The following TNRC18 variants were observed in gnomAD, a reference collection of about 807,000 sequenced individuals.
TNRC18 encodes the protein trinucleotide repeat-containing gene 18 protein.
In TNRC18, 69 loss-of-function variants were observed where a neutral mutation model predicts 226.7. The observed-to-expected ratio is 0.30, with a 90% CI of 0.25 to 0.37. The LOEUF is 0.37. Among genes scored for constraint, TNRC18 ranks in the 10% least tolerant of loss-of-function variants. The pLI, the probability that TNRC18 is intolerant of heterozygous loss-of-function variation, is 1.00. For missense variants in TNRC18, 4,754 were observed against 4,256.6 expected (o/e 1.12, Z -3.25); for synonymous variants, 2,449 against 1,927.6 (o/e 1.27, Z -7.09).
At chr7:5,361,334 T>G (rs1372516237) in intron 14 of TNRC18, among the ~76,000 whole-genome samples, 1 of 152,104 alleles carries the variant, frequency 6.6e-6, no homozygotes, top group Non-Finnish European at 1.5e-5. Context: ...GAGGCAGGCG[T>G]GGCAGGAAGA....
intron 16 of TNRC18, among the ~76,000 whole-genome samples, chr7:5,355,528 G>A (rs1792271303): frequency 6.6e-6 from 1 of 152,224 alleles, no homozygotes; most frequent in Admixed American, 6.5e-5. Flanking sequence ...AAAGTGGGAT[G>A]CTTGCTTAAG....
rs901230393 is a variant in TNRC18, at chr7:5,307,507, T to G, written c.*599A>C. 3 of 447,754 alleles carry G rather than the reference T, an allele frequency of 6.7e-6. No homozygotes were observed. The highest frequency in any genetic ancestry group is 3.2e-5 in the South Asian group (2 of 63,022). 27.7% of individuals were successfully genotyped at this position (447,754 alleles called of 1,614,324 possible). On this transcript the variant is annotated 3_prime_UTR_variant, in exon 30 of 30. Transcript: ENST00000430969. ...GCCGGGCCCTCTCCACCTGGTGCCT[T>G]TGACAGACACTCCGGGCTGCAACCC... is the stretch of plus-strand genomic sequence containing the variant.
intron 14 of TNRC18, among the ~76,000 whole-genome samples, chr7:5,361,075 C>G (rs1009573623): frequency 1.3e-5 from 2 of 152,220 alleles, no homozygotes; most frequent in Admixed American, 1.3e-4. Context: ...CTCATTCCAG[C>G]TGGCGTTCAG....
intron 2 of TNRC18, among the ~76,000 whole-genome samples, chr7:5,400,374 C>T (rs1292810724): frequency 2.6e-5 from 4 of 151,966 alleles, no homozygotes; most frequent in Non-Finnish European, 5.9e-5. Flanking sequence ...CTTTGGGAGG[C>T]AGAGGCGGGC....
rs567387955 is a variant in TNRC18 at position 5,381,897 on chromosome 7, C to G, written c.2153-3873G>C. 4.6e-5 allele frequency among the ~76,000 whole-genome samples: 7 copies of G among 152,058 alleles called. No individual in the cohort carries two copies. In the South Asian group the frequency reaches 1.5e-3, roughly 32 times the overall value. ...AGGAGAATCACTTGAACCCGGGAGG[C>G]GGAGGTTGCAGTGAGCCAAGATCAC... On this transcript the variant is annotated intron_variant, in intron 5 of 29. Coordinates refer to ENST00000430969, the MANE Select transcript of TNRC18 (RefSeq NM_001080495.3).
chr7:5,353,133 C>G (rs566125420), intron 16 of TNRC18, among the ~76,000 whole-genome samples: 9 of 152,188 alleles, frequency 5.9e-5, no homozygotes, highest in Non-Finnish European at 2.9e-5. Context: ...CCCTGCCCAT[C>G]GAACCAGTCA....
Position 5,388,419 on chromosome 7 carries a change from C to T in TNRC18, c.1405G>A (p.Glu469Lys), listed in dbSNP as rs2128193773. Residue 469 changes from glutamate to lysine, a missense_variant, in exon 5 of 30, where the codon GAG becomes AAG. Transcript: ENST00000430969. ...CGCTCGCAGGGCCTCGGGTCCGCCT[C>T]GGGCTTGAGCAGCTCCTTGGCAGGC... ...YVPAKELLKP[E>K]ADPRPCERAP... The T allele has an allele frequency of 1.3e-6, 2 of 1,482,440 alleles. No individual in the cohort carries two copies. Among genetic ancestry groups the T allele is most frequent in the Non-Finnish European group, 1.8e-6 (2 of 1,127,360 alleles). The allele number at this position is 1,482,440 out of a possible 1,614,324, so 91.8% of individuals were successfully genotyped here.
Position 5,370,742 on chromosome 7 carries a change from C to T in TNRC18, c.3852G>A (p.Pro1284=), listed in dbSNP as rs761596882. ...VPEEGLAQVA[P]SESQPTLEMS... ...TTTCTAGGGTGGGCTGGGACTCGCT[C>T]GGTGCCACCTGCGCCAGGCCTTCCT... The change falls in exon 11 of 30, where the codon CCG becomes CCA. Residue 1284 remains proline (P), a synonymous_variant. Coordinates refer to ENST00000430969, the MANE Select transcript of TNRC18 (RefSeq NM_001080495.3). The T allele has an allele frequency of 4.2e-5, 68 of 1,604,884 alleles. No individual in the cohort carries two copies. The highest frequency in any genetic ancestry group is 5.6e-5 in the Non-Finnish European group (66 of 1,176,514).
In TNRC18 at chr7:5,382,059, G is replaced by A. The variant is rs192502561; in HGVS notation, c.2153-4035C>T. Among the ~76,000 whole-genome samples, 26 of 152,164 alleles carry A rather than the reference G, an allele frequency of 1.7e-4. No homozygotes were observed. In the East Asian group the frequency reaches 5.0e-3, roughly 29 times the overall value. ...GTCCCTGTGCCCAGCAGGGCCCCAG[G>A]CCACTTTGCAAACATGAACTCATTC... On this transcript the variant is annotated intron_variant, in intron 5 of 29. Coordinates refer to ENST00000430969, the MANE Select transcript of TNRC18 (RefSeq NM_001080495.3).
intron 2 of TNRC18, among the ~76,000 whole-genome samples, chr7:5,406,452 ACT>A (rs1283744499): frequency 1.3e-5 from 2 of 151,684 alleles, no homozygotes; most frequent in Admixed American, 6.6e-5. Flanking sequence ...ATAGAGCGAG[ACT>A]CTGTCTCAAA....
rs202053648 is a variant in TNRC18, at chr7:5,366,318, C to CTTTTTTTTTTT, written c.4220-3504_4220-3494dup. ...AATGCTTGTTTTGCTCTTCTTATAT[C>CTTTTTTTTTTT]TTTTTTTTTTTTTTTTTTTTTTTTT... On this transcript the variant is annotated intron_variant, in intron 11 of 29. Transcript: ENST00000430969. 1.7e-3 allele frequency among the ~76,000 whole-genome samples: 120 copies of CTTTTTTTTTTT among 70,484 alleles called. 10 individuals are homozygous for CTTTTTTTTTTT. Among genetic ancestry groups the CTTTTTTTTTTT allele is most frequent in the African/African-American group, 3.0e-3 (48 of 15,854 alleles). 46.2% of individuals were successfully genotyped at this position (70,484 alleles called of 152,430 possible).
chr7:5,393,624 A>G lies in TNRC18; in HGVS notation c.343+816T>C, dbSNP rs113627003. 5.6e-3 allele frequency among the ~76,000 whole-genome samples: 850 copies of G among 152,158 alleles called. 8 individuals are homozygous for G. Among genetic ancestry groups the G allele is most frequent in the Non-Finnish European group, 9.6e-3 (654 of 67,994 alleles). On this transcript the variant is annotated intron_variant, in intron 3 of 29. Coordinates refer to ENST00000430969, the MANE Select transcript of TNRC18 (RefSeq NM_001080495.3). The stretch of plus-strand genomic sequence containing the variant: ...AGGACACCTGGGAGGAGGAAGGAGG[A>G]AGGAGGGAGGAGGGAGAAGGAAGTA...
intron 16 of TNRC18, among the ~76,000 whole-genome samples, chr7:5,352,961 C>T (rs1460050455): frequency 6.6e-6 from 1 of 152,248 alleles, no homozygotes; most frequent in Admixed American, 6.5e-5. Context: ...GCAGCACCTG[C>T]CACCTCCGAG....
Position 5,320,543 on chromosome 7 carries a change from G to T in TNRC18, c.6625C>A (p.Leu2209Met). ...CCCTCCCCCCTCACCGCCTCCTGCA[G>T]CAACTGCTCCAGACAGTAGATGTGG... is the stretch of plus-strand genomic sequence containing the variant. ...RPHIYCLEQLLQEAIIDVRPA... is the reference protein window; with the variant it reads ...RPHIYCLEQLMQEAIIDVRPA... Residue 2209 changes from leucine to methionine, a missense_variant, in exon 23 of 30, where the codon CTG (leucine) becomes ATG (methionine). Leu to Met is a conservative substitution (Grantham distance 15, BLOSUM62 2). Transcript: ENST00000430969. 6.2e-7 allele frequency: 1 copy of T among 1,610,762 alleles called. No homozygotes were observed. The highest frequency in any genetic ancestry group is 8.5e-7 in the Non-Finnish European group (1 of 1,179,236).
chr7:5,369,272 C>T (rs1306831236), intron 11 of TNRC18, among the ~76,000 whole-genome samples: 1 of 152,000 alleles, frequency 6.6e-6, no homozygotes, highest in East Asian at 1.9e-4. Context: ...CACTTGAACC[C>T]GGGAGGGCGG....
rs994195354 is a variant in TNRC18, at chr7:5,325,128, C to G, written c.6268G>C (p.Ala2090Pro). 1 of 1,550,630 alleles carries G rather than the reference C, an allele frequency of 6.4e-7. No individual in the cohort carries two copies. The highest frequency in any genetic ancestry group is 8.7e-7 in the Non-Finnish European group (1 of 1,147,322). Residue 2090 changes from alanine (A) to proline (P), a missense_variant, in exon 20 of 30, where the codon GCC (alanine) becomes CCC (proline). Physicochemically the swap from Ala to Pro is conservative, Grantham distance 27. Coordinates refer to ENST00000430969, the MANE Select transcript of TNRC18 (RefSeq NM_001080495.3). Reference protein sequence around the residue: ...SSLTAAKRSKAKAKGKEVKKE... With the variant: ...SSLTAAKRSKPKAKGKEVKKE... ...TTCACCTCCTTCCCTTTGGCCTTGG[C>G]TTTGCTCCTTTTGGCAGCGGTCAGG...
chr7:5,316,065 C>T lies in TNRC18; in HGVS notation c.6753G>A (p.Leu2251=). ...LYPGTVVRGL[L]DLEDDGDLIT... The stretch of plus-strand genomic sequence containing the variant: ...TCAAGTCCCCATCGTCCTCCAGGTC[C>T]AGTAACCCTGTGGGAAGAGGGGAGG... Residue 2251 remains leucine (L), a synonymous_variant, in exon 25 of 30, where the codon CTG becomes CTA. Coordinates refer to ENST00000430969, the MANE Select transcript of TNRC18 (RefSeq NM_001080495.3). 6.2e-7 allele frequency: 1 copy of T among 1,610,920 alleles called. No individual in the cohort carries two copies.
chr7:5,362,068 G>A, intron 12 of TNRC18, 35 bp from the exon 13 acceptor site: 1 of 1,605,494 alleles, frequency 6.2e-7, no homozygotes, highest in African/African-American at 1.3e-5. Flanking sequence ...GAGGGGGTGA[G>A]GATGCCACTG....
At chr7:5,315,901 A>G (rs1787798274) in intron 25 of TNRC18, 55 bp downstream of exon 25, 3 of 1,364,978 alleles carry the variant, frequency 2.2e-6, no homozygotes, top group Non-Finnish European at 3.0e-6. Context: ...GGAGGGCGAG[A>G]GCCTGGGTGG....
Sources: gnomAD v4.1 joint callset for allele counts (sites outside exome capture counted in the v4.1 genomes callset) on GRCh38, gnomAD v4.1.1 for gene constraint, MANE v1.5 for transcripts, NCBI Gene and HGNC (gene_info 2026-07-23, HGNC 2026-07-21) for gene names.